Variants in ATF7IP observed in about 807,000 individuals in gnomAD.
The protein encoded by ATF7IP is activating transcription factor 7 interacting protein.
ATF7IP carries 23 observed loss-of-function variants against 106.4 expected under a neutral mutation model. That is an observed-to-expected ratio of 0.22 (90% CI 0.16 to 0.31). The LOEUF (loss-of-function observed/expected upper bound fraction) is 0.31. ATF7IP is among the 10% of genes least tolerant of loss of function. The pLI is 1.00. For synonymous variants in ATF7IP, 542 were observed against 539.0 expected, an observed-to-expected ratio of 1.01 and a Z score of -0.08; for missense variants, 1,334 against 1,524.3, an observed-to-expected ratio of 0.88 and a Z score of 2.08.
At chr12:14,485,057 T>A (rs1035293786) in intron 13 of ATF7IP, among the ~76,000 whole-genome samples, 1 of 152,034 alleles carries the variant, frequency 6.6e-6, no homozygotes, top group African/African-American at 2.4e-5. Context: ...CTGTGATTCA[T>A]CTGTGGGGTC....
At chr12:14,412,013 T>C (rs951540487) in intron 1 of ATF7IP, among the ~76,000 whole-genome samples, 2 of 152,136 alleles carry the variant, frequency 1.3e-5, no homozygotes, top group Non-Finnish European at 2.9e-5. Context: ...GGCTATCCAG[T>C]TTTTCCAACA....
chr12:14,377,815 T>C (rs532155033), intron 1 of ATF7IP, among the ~76,000 whole-genome samples: 25 of 151,994 alleles, frequency 1.6e-4, no homozygotes, highest in Admixed American at 1.6e-3. Flanking sequence ...GGTTTCACCA[T>C]GTTGGTCAGG....
chr12:14,424,324 G>A lies in ATF7IP; in HGVS notation c.409G>A (p.Gly137Ser), dbSNP rs1261548705. 3 of 1,614,184 alleles carry A rather than the reference G, an allele frequency of 1.9e-6. No individual in the cohort carries two copies. The highest frequency in any genetic ancestry group is 2.5e-6 in the Non-Finnish European group (3 of 1,180,026). The change falls in exon 2 of 15, where the codon GGT (glycine) becomes AGT (serine). Residue 137 changes from glycine (G) to serine (S), a missense_variant. By Grantham distance (56) the Gly-to-Ser change is moderately conservative (BLOSUM62 0). Coordinates refer to ENST00000261168, the MANE Select transcript of ATF7IP (RefSeq NM_018179.5). ...ACCAGTTTCTGGTGATCCAGCCCCTGGTGATCTGGATGCCGGAGATCCAGC... is the reference window on the plus strand; with the variant it reads ...ACCAGTTTCTGGTGATCCAGCCCCTAGTGATCTGGATGCCGGAGATCCAGC... ...AEPVSGDPAP[G>S]DLDAGDPASG...
At chr12:14,438,590 A>G (rs1486325115) in intron 5 of ATF7IP, among the ~76,000 whole-genome samples, 1 of 152,148 alleles carries the variant, frequency 6.6e-6, no homozygotes, top group Non-Finnish European at 1.5e-5. Flanking sequence ...GTTTGCGGAC[A>G]GTTCTTTGGC....
At chr12:14,378,100 CTTTTTTT>C (rs59879512) in intron 1 of ATF7IP, among the ~76,000 whole-genome samples, 31 of 137,886 alleles carry the variant, frequency 2.2e-4, no homozygotes, top group Middle Eastern at 3.8e-3. Context: ...TTTTCTTTTT[CTTTTTTT>C]TTTTTTTTGA....
chr12:14,483,364 C>A (rs1944488673), intron 13 of ATF7IP, among the ~76,000 whole-genome samples: 1 of 152,192 alleles, frequency 6.6e-6, no homozygotes, highest in East Asian at 1.9e-4. Flanking sequence ...GAGCAGTAGA[C>A]TAACTTCTTC....
intron 5 of ATF7IP, among the ~76,000 whole-genome samples, chr12:14,440,520 T>C (rs1942646156): frequency 6.6e-6 from 1 of 152,236 alleles, no homozygotes; most frequent in Non-Finnish European, 1.5e-5. Flanking sequence ...GATACCAGGC[T>C]TTTGACTTCG....
intron 13 of ATF7IP, among the ~76,000 whole-genome samples, chr12:14,483,710 C>T (rs1944499998): frequency 6.6e-6 from 1 of 152,190 alleles, no homozygotes; most frequent in South Asian, 2.1e-4. Context: ...TGATTCAGAG[C>T]ATACACGGCC....
Position 14,435,511 on chromosome 12 carries a change from C to T in ATF7IP, c.1646-595C>T, listed in dbSNP as rs1029476769. On this transcript the variant is annotated intron_variant, in intron 3 of 14. Transcript: ENST00000261168. Reference sequence around the variant, plus strand: ...TATGATCTCATGAATATTAACAGCACGTGAAACAGATTTTCTAAGTGAAGT... The same window carrying T: ...TATGATCTCATGAATATTAACAGCATGTGAAACAGATTTTCTAAGTGAAGT... Among the ~76,000 whole-genome samples the T allele has an allele frequency of 3.3e-5, 5 of 152,252 alleles. No homozygotes were observed. In the East Asian group the frequency reaches 5.8e-4, roughly 18 times the overall value.
intron 1 of ATF7IP, among the ~76,000 whole-genome samples, chr12:14,422,813 G>A (rs369781942): frequency 2.0e-5 from 3 of 152,162 alleles, no homozygotes; most frequent in African/African-American, 7.2e-5. Context: ...GGAACATTTA[G>A]GTTGTTTCCA....
At chr12:14,475,335 G>C (rs985425297) in intron 10 of ATF7IP, among the ~76,000 whole-genome samples, 1 of 152,130 alleles carries the variant, frequency 6.6e-6, no homozygotes. Context: ...CTTTTTGGTT[G>C]CTGTCATGTG....
chr12:14,423,327 C>T (rs956299262), intron 1 of ATF7IP, among the ~76,000 whole-genome samples: 5 of 151,672 alleles, frequency 3.3e-5, no homozygotes, highest in African/African-American at 7.3e-5. Flanking sequence ...ATTCTAGATT[C>T]GAGATAAAAG....
chr12:14,368,736 C>A (rs1426898852), intron 1 of ATF7IP, among the ~76,000 whole-genome samples: 2 of 151,978 alleles, frequency 1.3e-5, no homozygotes, highest in African/African-American at 4.8e-5. Flanking sequence ...TTTATATATG[C>A]ATTTTTTTCA....
intron 1 of ATF7IP, among the ~76,000 whole-genome samples, chr12:14,370,526 A>G (rs530360850): frequency 1.3e-5 from 2 of 152,312 alleles, no homozygotes; most frequent in South Asian, 4.1e-4. Flanking sequence ...TAATTAAGAA[A>G]AAAAAGCCAG....
intron 12 of ATF7IP, among the ~76,000 whole-genome samples, chr12:14,479,799 T>C (rs1225299003): frequency 6.6e-6 from 1 of 151,682 alleles, no homozygotes; most frequent in Non-Finnish European, 1.5e-5. Context: ...GTGTGTAGAT[T>C]TTATATTGGT....
At chr12:14,374,272 A>ATTTTTTTTTTTTTT in intron 1 of ATF7IP, among the ~76,000 whole-genome samples, 1 of 105,446 alleles carries the variant, frequency 9.5e-6, no homozygotes. Context: ...TAATTTTGTA[A>ATTTTTTTTTTTTTT]TTTTTTTTTT....
In ATF7IP at chr12:14,502,056, C is replaced by T. The variant is rs1312650704; in HGVS notation, c.*3983C>T. The T allele has an allele frequency of 6.6e-6, 1 of 152,118 alleles. No homozygotes were observed. Among genetic ancestry groups the T allele is most frequent in the Non-Finnish European group, 1.5e-5 (1 of 68,004 alleles). The allele number at this position is 152,118 out of a possible 1,614,324, so 9.4% of individuals were successfully genotyped here. A position where few individuals can be genotyped will look rare whatever the true frequency, so the allele number is the denominator to read the frequency against. On this transcript the variant is annotated 3_prime_UTR_variant, in exon 15 of 15. Coordinates refer to ENST00000261168, the MANE Select transcript of ATF7IP (RefSeq NM_018179.5). ...CAAAGACCTTCCTTCCAAATGTTCT[C>T]CTTGACTTTATTTCTTGGGCCAATT...
intron 9 of ATF7IP, among the ~76,000 whole-genome samples, chr12:14,464,790 A>C (rs953889824): frequency 3.3e-5 from 5 of 152,268 alleles, no homozygotes; most frequent in Non-Finnish European, 7.3e-5. Flanking sequence ...TAATTAACAT[A>C]GCTCTGAGGC....
Position 14,433,937 on chromosome 12 carries a change from C to T in ATF7IP, c.1559-400C>T, listed in dbSNP as rs16909888. On this transcript the variant is annotated intron_variant, in intron 2 of 14. Transcript: ENST00000261168. ...AAGGATTCAACCTGTTTTGAATTTTCCAGTAGTTTGGAATTTTTTTGATAA... is the reference window on the plus strand; with the variant it reads ...AAGGATTCAACCTGTTTTGAATTTTTCAGTAGTTTGGAATTTTTTTGATAA... Among the ~76,000 whole-genome samples the T allele has an allele frequency of 9.5e-3, 1,453 of 152,174 alleles. 34 individuals are homozygous for T. The highest frequency in any genetic ancestry group is 0.033 in the African/African-American group (1,377 of 41,516).
Sources: gnomAD v4.1 joint callset for allele counts (sites outside exome capture counted in the v4.1 genomes callset) on GRCh38, gnomAD v4.1.1 for gene constraint, MANE v1.5 for transcripts, NCBI Gene and HGNC (gene_info 2026-07-23, HGNC 2026-07-21) for gene names.